Variants in PCSK5 observed in about 807,000 individuals in gnomAD.
The protein encoded by PCSK5 is prohormone convertase 5.
A neutral mutation model predicts 233.2 loss-of-function variants in PCSK5; 129 were observed. The observed-to-expected ratio is 0.55, with a 90% CI of 0.48 to 0.64. The LOEUF (loss-of-function observed/expected upper bound fraction) is 0.64, where lower values mean the gene tolerates loss of function less well. Ranked by LOEUF, PCSK5 falls within the 30% of genes least tolerant of loss-of-function variation. The pLI, the probability that PCSK5 is intolerant of heterozygous loss-of-function variation, is 0.00. For missense variants in PCSK5, 2,076 were observed against 2,430.1 expected, an observed-to-expected ratio of 0.85 and a Z score of 3.06; for synonymous variants, 825 against 879.2, an observed-to-expected ratio of 0.94 and a Z score of 1.09.
chr9:76,120,284 A>C (rs1385252968), intron 9 of PCSK5, among the ~76,000 whole-genome samples: 1 of 152,122 alleles, frequency 6.6e-6, no homozygotes, highest in Admixed American at 6.5e-5. Flanking sequence ...ATCTTTAAAC[A>C]TTACAGAATC....
chr9:76,239,062 C>G lies in PCSK5; in HGVS notation c.2970C>G (p.Asp990Glu), dbSNP rs746338939. ...TEGNTCLPCP[D>E]NCELCHSVHV... ...GGAACACCTGCCTGCCCTGCCCAGA[C>G]AACTGTGAGCTTTGCCACAGCGTGC... Residue 990 changes from aspartate to glutamate, a missense_variant, in exon 23 of 38, where the codon GAC becomes GAG. This residue lies in a region of PCSK5 where 1,510 missense variants were observed against 1,538.1 expected (regional missense o/e 0.98). Coordinates refer to ENST00000674117, the MANE Select transcript of PCSK5 (RefSeq NM_001372043.1). The G allele has an allele frequency of 6.2e-7, 1 of 1,611,168 alleles. No individual in the cohort carries two copies. The highest frequency in any genetic ancestry group is 2.2e-5 in the East Asian group (1 of 44,804).
chr9:76,026,421 G>T (rs577088180), intron 4 of PCSK5, among the ~76,000 whole-genome samples: 7 of 152,046 alleles, frequency 4.6e-5, no homozygotes, highest in Non-Finnish European at 1.0e-4. Flanking sequence ...GTCTAATAGC[G>T]GTCCCAAGAT....
intron 2 of PCSK5, among the ~76,000 whole-genome samples, chr9:75,963,748 A>C (rs552748800): frequency 6.6e-6 from 1 of 152,168 alleles, no homozygotes; most frequent in Non-Finnish European, 1.5e-5. Context: ...GCATGGTGGC[A>C]CGCTCCTGTA....
intron 3 of PCSK5, among the ~76,000 whole-genome samples, chr9:75,988,021 C>T (rs890886405): frequency 6.6e-6 from 1 of 152,214 alleles, no homozygotes; most frequent in Non-Finnish European, 1.5e-5. Context: ...GAGCCATGAC[C>T]AGGGCTTTAG....
Position 76,205,187 on chromosome 9 carries a change from A to T in PCSK5, c.2626+15441A>T, listed in dbSNP as rs1240337030. On this transcript the variant is annotated intron_variant, in intron 20 of 37. Coordinates refer to ENST00000674117, the MANE Select transcript of PCSK5 (RefSeq NM_001372043.1). ...ATAAACCTCAGTTTGCAGCTATCTCACTACTAGGTTAGCCCTCACTGTCCC... is the reference window on the plus strand; with the variant it reads ...ATAAACCTCAGTTTGCAGCTATCTCTCTACTAGGTTAGCCCTCACTGTCCC... The T allele has an allele frequency of 7.7e-6, 4 of 518,738 alleles. No homozygotes were observed. In the East Asian group the frequency reaches 1.6e-4, roughly 21 times the overall value. 32.1% of individuals were successfully genotyped at this position (518,738 alleles called of 1,614,324 possible).
At chr9:76,263,045 C>T (rs552403205) in intron 24 of PCSK5, among the ~76,000 whole-genome samples, 6 of 152,208 alleles carry the variant, frequency 3.9e-5, no homozygotes, top group Non-Finnish European at 7.4e-5. Context: ...CTTCACTGGC[C>T]ATCAGAGAAA....
rs763168954 is a variant in PCSK5 at position 76,288,568 on chromosome 9, T to C, written c.3143-3665T>C. 3.7e-4 allele frequency among the ~76,000 whole-genome samples: 57 copies of C among 152,332 alleles called. 1 individual carries two copies. Among genetic ancestry groups the C allele is most frequent in the Non-Finnish European group, 6.3e-4 (43 of 68,028 alleles). On this transcript the variant is annotated intron_variant, in intron 24 of 37. Coordinates refer to ENST00000674117, the MANE Select transcript of PCSK5 (RefSeq NM_001372043.1). ...GGGTTTGATACCAGCCTGGATACCA[T>C]AGGGAGACCTGGTCTCTTCAGACAG...
At chr9:75,914,454 C>T (rs946960252) in intron 1 of PCSK5, among the ~76,000 whole-genome samples, 7 of 152,202 alleles carry the variant, frequency 4.6e-5, no homozygotes, top group Middle Eastern at 3.4e-3. Context: ...ATACTAGTCT[C>T]CTAAAATATA....
At chr9:76,175,346 A>G (rs1342801886) in intron 14 of PCSK5, 3 of 531,808 alleles carry the variant, frequency 5.6e-6, no homozygotes, top group African/African-American at 4.0e-5. Context: ...AGAACAATCT[A>G]CTACCCATAT....
intron 5 of PCSK5, 28 bp downstream of exon 5, chr9:76,027,065 A>C: frequency 6.7e-7 from 1 of 1,497,570 alleles, no homozygotes; most frequent in Non-Finnish European, 9.3e-7. Context: ...GGTGGCTGGC[A>C]TGTGGCTGGC....
rs144966612 is a variant in PCSK5, at chr9:75,909,775, C to A, written c.192+18402C>A. Among the ~76,000 whole-genome samples the A allele has an allele frequency of 9.8e-5, 15 of 152,308 alleles. No individual in the cohort carries two copies. The East Asian group carries it at 2.1e-3, about 22-fold the overall frequency. On this transcript the variant is annotated intron_variant, in intron 1 of 37. Transcript: ENST00000674117. The stretch of plus-strand genomic sequence containing the variant: ...AAAAACAGGCAGGGAGTAAATAAAG[C>A]CCGCAGCAGTTGTTAGTACTGTCCA...
intron 24 of PCSK5, among the ~76,000 whole-genome samples, chr9:76,282,420 C>T (rs143217212): frequency 3.5e-5 from 5 of 144,138 alleles, no homozygotes; most frequent in African/African-American, 5.1e-5. Context: ...CCGAGGCTAA[C>T]GCAATCCTCC....
At chr9:75,915,016 G>A (rs966884643) in intron 1 of PCSK5, among the ~76,000 whole-genome samples, 2 of 152,158 alleles carry the variant, frequency 1.3e-5, no homozygotes, top group African/African-American at 4.8e-5. Context: ...GACTGTTTAG[G>A]AATAAGGTAA....
At chr9:75,991,350 G>A (rs1267441065) in intron 3 of PCSK5, among the ~76,000 whole-genome samples, 1 of 152,072 alleles carries the variant, frequency 6.6e-6, no homozygotes, top group Admixed American at 6.6e-5. Flanking sequence ...TGATGCTGGG[G>A]TCTCAAAACC....
In PCSK5 at chr9:76,023,809, G is replaced by A. The variant is rs1379509151; in HGVS notation, c.483G>A (p.Thr161=). 4 of 1,613,438 alleles carry A rather than the reference G, an allele frequency of 2.5e-6. No individual in the cohort carries two copies. The highest frequency in any genetic ancestry group is 2.2e-5 in the East Asian group (1 of 44,870). The change falls in exon 4 of 38, where the codon ACG becomes ACA. Residue 161 remains threonine (T), a synonymous_variant. Coordinates refer to ENST00000674117, the MANE Select transcript of PCSK5 (RefSeq NM_001372043.1). ...NIEGAWKRGY[T]GKNIVVTILD... ...AAGGAGCCTGGAAGAGAGGCTACAC[G>A]GGAAAGAACATTGTGGTCACTATCC...
At chr9:76,089,761 G>C (rs1831209977) in intron 7 of PCSK5, among the ~76,000 whole-genome samples, 1 of 152,138 alleles carries the variant, frequency 6.6e-6, no homozygotes, top group African/African-American at 2.4e-5. Flanking sequence ...TTTAAAGAAA[G>C]AAATTTAGTT....
intron 20 of PCSK5, among the ~76,000 whole-genome samples, chr9:76,204,623 C>T (rs141067469): frequency 7.8e-4 from 118 of 152,156 alleles, no homozygotes; most frequent in East Asian, 2.1e-3. Context: ...TGTGTTTGTT[C>T]TTATTTGTTG....
intron 14 of PCSK5, among the ~76,000 whole-genome samples, chr9:76,176,797 C>T (rs1221110953): frequency 2.6e-5 from 4 of 152,118 alleles, no homozygotes; most frequent in Non-Finnish European, 5.9e-5. Flanking sequence ...TTAACTCTCT[C>T]ATTAATTTAT....
intron 1 of PCSK5, among the ~76,000 whole-genome samples, chr9:75,909,955 G>A (rs911936971): frequency 2.0e-5 from 3 of 152,324 alleles, no homozygotes; most frequent in African/African-American, 7.2e-5. Context: ...GACTTGTGGT[G>A]AGCTGCATCT....
Sources: gnomAD v4.1 joint callset for allele counts (sites outside exome capture counted in the v4.1 genomes callset) on GRCh38, gnomAD v4.1.1 for gene constraint, gnomAD v4.1.1 regional missense constraint, MANE v1.5 for transcripts, NCBI Gene and HGNC (gene_info 2026-07-23, HGNC 2026-07-21) for gene names.